Variants in PTPRZ1 observed in about 807,000 individuals in gnomAD.
PTPRZ1 encodes the protein protein tyrosine phosphatase receptor type Z1.
Under a neutral mutation model 214.1 loss-of-function variants are expected in PTPRZ1, and 82 were observed. The ratio of observed to expected loss-of-function variants is 0.38; its 90% CI spans 0.32 to 0.46. The LOEUF (loss-of-function observed/expected upper bound fraction) is 0.46, where lower values mean the gene tolerates loss of function less well. PTPRZ1 is among the 20% of genes least tolerant of loss of function. PTPRZ1 has a pLI of 1.00. For synonymous variants in PTPRZ1, 945 were observed against 987.9 expected, an observed-to-expected ratio of 0.96 and a Z score of 0.81; for missense variants, 2,603 against 2,748.7, an observed-to-expected ratio of 0.95 and a Z score of 1.19.
intron 12 of PTPRZ1, among the ~76,000 whole-genome samples, chr7:122,018,615 A>C (rs1258647072): frequency 6.6e-6 from 1 of 152,130 alleles, no homozygotes; most frequent in Non-Finnish European, 1.5e-5. Context: ...CTGGATTGAA[A>C]GGTTATCCTA....
chr7:122,038,669 T>C, intron 18 of PTPRZ1, 86 bp from the exon 19 acceptor site: 1 of 1,308,256 alleles, frequency 7.6e-7, no homozygotes, highest in Non-Finnish European at 1.0e-6. Flanking sequence ...CGAAAAATTA[T>C]GCTGACCTTA....
intron 10 of PTPRZ1, 29 bp from the exon 11 acceptor site, chr7:122,004,585 C>A: frequency 8.3e-7 from 1 of 1,206,004 alleles, no homozygotes; most frequent in Non-Finnish European, 1.2e-6. Flanking sequence ...TGAATAAAAA[C>A]TTTAATAATT....
intron 2 of PTPRZ1, among the ~76,000 whole-genome samples, chr7:121,944,751 T>C (rs1796322696): frequency 6.6e-6 from 1 of 152,110 alleles, no homozygotes; most frequent in Non-Finnish European, 1.5e-5. Flanking sequence ...CAAGCAATTC[T>C]CCTGCCTCAG....
intron 2 of PTPRZ1, among the ~76,000 whole-genome samples, chr7:121,942,064 A>G (rs577390290): frequency 1.8e-4 from 27 of 152,172 alleles, no homozygotes; most frequent in African/African-American, 5.8e-4. Context: ...TCAATTTCTC[A>G]TAGATGATTG....
intron 10 of PTPRZ1, among the ~76,000 whole-genome samples, chr7:122,000,274 G>A (rs538001942): frequency 3.4e-4 from 51 of 152,102 alleles, no homozygotes; most frequent in African/African-American, 1.2e-3. Flanking sequence ...TTACAATTTA[G>A]TATTGAAATT....
intron 2 of PTPRZ1, among the ~76,000 whole-genome samples, chr7:121,938,209 A>C (rs1796142681): frequency 6.6e-6 from 1 of 152,226 alleles, no homozygotes; most frequent in Admixed American, 6.5e-5. Context: ...TTTTATTATC[A>C]AACAAGCATT....
At chr7:122,001,483 G>A (rs1221964407) in intron 10 of PTPRZ1, among the ~76,000 whole-genome samples, 1 of 152,248 alleles carries the variant, frequency 6.6e-6, no homozygotes, top group East Asian at 1.9e-4. Context: ...TCTTGTTACT[G>A]TGTGCTTTCA....
chr7:121,880,920 G>A (rs1794219746), intron 1 of PTPRZ1, among the ~76,000 whole-genome samples: 1 of 152,160 alleles, frequency 6.6e-6, no homozygotes, highest in East Asian at 1.9e-4. Context: ...TTATTGTCAT[G>A]TGTGTTTTAG....
intron 2 of PTPRZ1, among the ~76,000 whole-genome samples, chr7:121,928,754 T>C (rs1308660327): frequency 1.3e-5 from 2 of 152,258 alleles, no homozygotes; most frequent in Non-Finnish European, 2.9e-5. Flanking sequence ...AAAATGATTT[T>C]GTCACATTAC....
chr7:121,898,455 A>G (rs1318771934), intron 1 of PTPRZ1, among the ~76,000 whole-genome samples: 3 of 152,186 alleles, frequency 2.0e-5, no homozygotes, highest in African/African-American at 7.2e-5. Flanking sequence ...TGTAATATAA[A>G]TGTAATAGAT....
At chr7:121,990,170 A>C (rs1238264355) in intron 8 of PTPRZ1, among the ~76,000 whole-genome samples, 2 of 152,212 alleles carry the variant, frequency 1.3e-5, no homozygotes, top group African/African-American at 4.8e-5. Flanking sequence ...AGTAAAAGCT[A>C]GCATAAAAAT....
intron 11 of PTPRZ1, among the ~76,000 whole-genome samples, chr7:122,005,274 G>A (rs919962397): frequency 6.6e-6 from 1 of 151,750 alleles, no homozygotes; most frequent in Admixed American, 6.6e-5. Flanking sequence ...TTTAAATAGA[G>A]AGAAAATGAT....
chr7:122,021,044 G>T (rs1163727749), intron 13 of PTPRZ1, among the ~76,000 whole-genome samples: 2 of 152,062 alleles, frequency 1.3e-5, no homozygotes, highest in Non-Finnish European at 2.9e-5. Context: ...TAATTAATGG[G>T]AGTCAGTGTT....
chr7:122,016,937 T>C (rs191449040), intron 12 of PTPRZ1, among the ~76,000 whole-genome samples: 1 of 152,214 alleles, frequency 6.6e-6, no homozygotes, highest in African/African-American at 2.4e-5. Flanking sequence ...TGCTGACCCT[T>C]ACACACAGAG....
At chr7:121,934,621 C>A (rs1315375185) in intron 2 of PTPRZ1, among the ~76,000 whole-genome samples, 1 of 151,508 alleles carries the variant, frequency 6.6e-6, no homozygotes. Context: ...GCTCTTTGAG[C>A]AAGTACATTA....
intron 11 of PTPRZ1, among the ~76,000 whole-genome samples, chr7:122,005,609 T>C (rs1351830572): frequency 1.3e-5 from 2 of 152,178 alleles, no homozygotes; most frequent in East Asian, 3.9e-4. Flanking sequence ...TATTTGTATA[T>C]GTACATACAT....
intron 4 of PTPRZ1, among the ~76,000 whole-genome samples, chr7:121,973,921 G>A (rs931359482): frequency 2.4e-5 from 3 of 125,202 alleles, no homozygotes; most frequent in African/African-American, 9.2e-5. Flanking sequence ...GTAATGGAGT[G>A]AGACGCTGTC....
At chr7:121,876,326 A>G (rs192868883) in intron 1 of PTPRZ1, among the ~76,000 whole-genome samples, 8 of 152,332 alleles carry the variant, frequency 5.3e-5, no homozygotes, top group Non-Finnish European at 7.4e-5. Context: ...CTTTTAAGGA[A>G]TAATTTCTTC....
chr7:122,020,628 C>G (rs1798987127), intron 13 of PTPRZ1, among the ~76,000 whole-genome samples: 1 of 152,140 alleles, frequency 6.6e-6, no homozygotes, highest in Admixed American at 6.6e-5. Context: ...CATTGGTTGG[C>G]TAGGGTAGAA....
Sources: allele counts gnomAD v4.1 joint callset (sites outside exome capture counted in the v4.1 genomes callset), GRCh38; gene constraint gnomAD v4.1.1; transcripts MANE v1.5; gene names NCBI Gene and HGNC (gene_info 2026-07-23, HGNC 2026-07-21).